Variants in NTRK3 observed in about 807,000 individuals in gnomAD.
The protein encoded by NTRK3 is neurotrophic receptor tyrosine kinase 3, also known as NT-3 growth factor receptor.
NTRK3 carries 24 observed loss-of-function variants against 91.7 expected under a neutral mutation model. The observed-to-expected ratio is 0.26, with a 90% CI of 0.19 to 0.37. The LOEUF is 0.37. Among genes scored for constraint, NTRK3 ranks in the 10% least tolerant of loss-of-function variants. The pLI, the probability that NTRK3 is intolerant of heterozygous loss-of-function variation, is 1.00. For synonymous variants in NTRK3, 483 were observed against 404.0 expected (o/e 1.20, Z -2.34); for missense variants, 880 against 1,068.9 (o/e 0.82, Z 2.46).
At chr15:88,104,246 C>T (rs2050472214) in intron 13 of NTRK3, among the ~76,000 whole-genome samples, 1 of 152,214 alleles carries the variant, frequency 6.6e-6, no homozygotes, top group Admixed American at 6.5e-5. Flanking sequence ...GCAGGTATGT[C>T]TAGAACTGTT....
chr15:88,137,410 G>A lies in NTRK3; in HGVS notation c.616C>T (p.Gln206Ter). ...CAGGCGGCCACTCACTCACCACACT[G>A]ACTGATGTTCATGCGGAAGAGAGGA... The change falls in exon 7 of 19, where the codon CAG becomes TAG. Residue 206 changes from glutamine (Q) to a stop codon, truncating the protein, a stop_gained. Coordinates refer to ENST00000394480, the Ensembl canonical transcript of NTRK3. LOFTEE classifies it high-confidence loss of function. 1 of 1,613,716 alleles carries A rather than the reference G, an allele frequency of 6.2e-7. No individual in the cohort carries two copies. Among genetic ancestry groups the A allele is most frequent in the Non-Finnish European group, 8.5e-7 (1 of 1,180,000 alleles).
intron 13 of NTRK3, among the ~76,000 whole-genome samples, chr15:88,063,798 T>C (rs2046416833): frequency 6.6e-6 from 1 of 152,212 alleles, no homozygotes; most frequent in South Asian, 2.1e-4. Flanking sequence ...CCACAACTTC[T>C]TTTCTCCTGT....
At chr15:87,950,448 C>A (rs980278658) in intron 14 of NTRK3, among the ~76,000 whole-genome samples, 2 of 152,164 alleles carry the variant, frequency 1.3e-5, no homozygotes, top group Non-Finnish European at 2.9e-5. Context: ...CAGCACCCCC[C>A]AAAATACAAC....
Position 88,068,366 on chromosome 15 carries a change from G to A in NTRK3, c.1397-35321C>T, listed in dbSNP as rs137973042. ...GAATTGCTTGAACCCGGGAGGTGGA[G>A]GCTGCAGTGAGCCAAGATTGTGCCA... On this transcript the variant is annotated intron_variant, in intron 13 of 18. Coordinates refer to ENST00000394480, the Ensembl canonical transcript of NTRK3. Among the ~76,000 whole-genome samples, 1,266 of 152,290 alleles carry A rather than the reference G, an allele frequency of 8.3e-3. 11 individuals are homozygous for A. The highest frequency in any genetic ancestry group is 0.029 in the African/African-American group (1,201 of 41,558).
chr15:88,214,551 A>G (rs767385593), intron 3 of NTRK3, among the ~76,000 whole-genome samples: 2 of 152,206 alleles, frequency 1.3e-5, no homozygotes, highest in East Asian at 1.9e-4. Context: ...CAGAGTAGAC[A>G]TGAGCTTTAC....
At chr15:88,013,370 C>T (rs1175117251) in intron 14 of NTRK3, among the ~76,000 whole-genome samples, 1 of 152,232 alleles carries the variant, frequency 6.6e-6, no homozygotes, top group Non-Finnish European at 1.5e-5. Context: ...AGTGGACCAT[C>T]GCCAGTGTTG....
At chr15:87,959,376 A>T (rs894331439) in intron 14 of NTRK3, among the ~76,000 whole-genome samples, 2 of 152,082 alleles carry the variant, frequency 1.3e-5, no homozygotes, top group African/African-American at 4.8e-5. Context: ...TTTTATTGTC[A>T]TTACTCCACA....
At chr15:87,872,850 T>C (rs922210986) in exon 19 of NTRK3, 1 of 232,704 alleles carries the variant, frequency 4.3e-6, no homozygotes, top group African/African-American at 2.2e-5. Flanking sequence ...GAACCTAGCT[T>C]TAAAAAAATG....
At chr15:88,252,804 C>G (rs1007753151) in intron 3 of NTRK3, 1 of 152,316 alleles carries the variant, frequency 6.6e-6, no homozygotes, top group African/African-American at 2.4e-5. Flanking sequence ...TTTGGAGGAG[C>G]GTGGCTCTGG....
intron 13 of NTRK3, among the ~76,000 whole-genome samples, chr15:88,035,098 AT>A (rs758009054): frequency 1.4e-4 from 22 of 152,256 alleles, no homozygotes; most frequent in Admixed American, 2.6e-4. Context: ...ATATTTTGGA[AT>A]TTAAAAAGTC....
intron 5 of NTRK3, among the ~76,000 whole-genome samples, chr15:88,160,022 T>A (rs1350856767): frequency 6.7e-6 from 1 of 148,164 alleles, no homozygotes; most frequent in Non-Finnish European, 1.5e-5. Context: ...CTGGTGAGCC[T>A]AGAGGACGAC....
At chr15:87,892,083 A>ACACACACACACAC (rs2065880934) in intron 17 of NTRK3, among the ~76,000 whole-genome samples, 3 of 141,344 alleles carry the variant, frequency 2.1e-5, no homozygotes, top group African/African-American at 8.3e-5. Flanking sequence ...CCCCATCCCC[A>ACACACACACACAC]ACACACACAC....
At chr15:88,159,166 G>A (rs1272281036) in intron 5 of NTRK3, among the ~76,000 whole-genome samples, 5 of 152,196 alleles carry the variant, frequency 3.3e-5, no homozygotes, top group Admixed American at 3.3e-4. Flanking sequence ...AGCCAGGCCA[G>A]ACAACAGTCC....
At chr15:88,006,155 A>G (rs1185713232) in intron 14 of NTRK3, among the ~76,000 whole-genome samples, 2 of 152,234 alleles carry the variant, frequency 1.3e-5, no homozygotes, top group Non-Finnish European at 2.9e-5. Flanking sequence ...AGCAAGCACC[A>G]GGGTGGATGA....
chr15:87,897,607 G>A (rs1362652763), intron 17 of NTRK3, among the ~76,000 whole-genome samples: 1 of 151,902 alleles, frequency 6.6e-6, no homozygotes, highest in South Asian at 2.1e-4. Flanking sequence ...CCAAATGCAG[G>A]TTATAATACC....
intron 5 of NTRK3, among the ~76,000 whole-genome samples, chr15:88,177,142 A>G (rs931517164): frequency 6.6e-6 from 1 of 152,250 alleles, no homozygotes; most frequent in South Asian, 2.1e-4. Context: ...GGGGAAAAGT[A>G]CAAGACAATT....
chr15:88,070,171 C>G (rs932180879), intron 13 of NTRK3, among the ~76,000 whole-genome samples: 4 of 152,210 alleles, frequency 2.6e-5, no homozygotes, highest in Admixed American at 1.3e-4. Flanking sequence ...CAATGCTATT[C>G]TAAAAACGAA....
At chr15:87,922,951 G>A (rs2067997128) in intron 17 of NTRK3, among the ~76,000 whole-genome samples, 1 of 152,154 alleles carries the variant, frequency 6.6e-6, no homozygotes, top group South Asian at 2.1e-4. Context: ...CACCAAGATG[G>A]CAGGTGGGAC....
At chr15:88,057,543 T>C (rs1285034561) in intron 13 of NTRK3, among the ~76,000 whole-genome samples, 3 of 151,726 alleles carry the variant, frequency 2.0e-5, no homozygotes, top group African/African-American at 7.3e-5. Context: ...GCAAGGGCTG[T>C]TCTTTGAGTG....
Sources: allele counts gnomAD v4.1 joint callset (sites outside exome capture counted in the v4.1 genomes callset), GRCh38; gene constraint gnomAD v4.1.1; transcripts MANE v1.5; gene names NCBI Gene and HGNC (gene_info 2026-07-23, HGNC 2026-07-21).